Variants in CCDC192 observed in about 807,000 individuals in gnomAD.
The protein encoded by CCDC192 is coiled-coil domain containing 192, also known as coiled-coil domain-containing protein 192.
intron 6 of CCDC192, among the ~76,000 whole-genome samples, chr5:127,903,927 C>T (rs1042607854): frequency 2.0e-5 from 3 of 152,098 alleles, no homozygotes; most frequent in Non-Finnish European, 4.4e-5. Context: ...AATAATGACC[C>T]TCCCCCAAAA....
chr5:127,895,059 G>A (rs149779390), intron 6 of CCDC192, among the ~76,000 whole-genome samples: 1 of 152,152 alleles, frequency 6.6e-6, no homozygotes, highest in South Asian at 2.1e-4. Flanking sequence ...GTAAGTAAGC[G>A]TGTGCTGCGG....
At chr5:127,805,409 G>T (rs941089121) in intron 5 of CCDC192, among the ~76,000 whole-genome samples, 1 of 152,164 alleles carries the variant, frequency 6.6e-6, no homozygotes, top group Admixed American at 6.5e-5. Context: ...TTTTAAAGCC[G>T]AATTTCACTT....
intron 1 of CCDC192, among the ~76,000 whole-genome samples, chr5:127,704,937 G>T (rs560868013): frequency 6.6e-6 from 1 of 152,024 alleles, no homozygotes; most frequent in East Asian, 1.9e-4. Flanking sequence ...TTGACATGAA[G>T]AATGAAGTAA....
chr5:127,912,078 T>A (rs1332068130), intron 6 of CCDC192, among the ~76,000 whole-genome samples: 1 of 151,218 alleles, frequency 6.6e-6, no homozygotes, highest in Non-Finnish European at 1.5e-5. Context: ...CACATCACCA[T>A]GCCCAGCTAA....
At chr5:127,803,481 T>C (rs1757615736) in intron 5 of CCDC192, among the ~76,000 whole-genome samples, 1 of 152,234 alleles carries the variant, frequency 6.6e-6, no homozygotes, top group African/African-American at 2.4e-5. Context: ...TTATAATTAC[T>C]TAAAGATATC....
At chr5:127,786,730 C>A in intron 3 of CCDC192, 1 of 721,148 alleles carries the variant, frequency 1.4e-6, no homozygotes, top group Non-Finnish European at 2.6e-6. Flanking sequence ...AAATCTTCTC[C>A]ATGCTTAAGA....
intron 3 of CCDC192, chr5:127,785,621 T>C (rs1276952758): frequency 1.2e-5 from 2 of 166,006 alleles, no homozygotes; most frequent in African/African-American, 4.8e-5. Context: ...ATCACTGTTC[T>C]GGTAGATGAG....
At chr5:127,930,158 G>A (rs1348882214) in intron 6 of CCDC192, among the ~76,000 whole-genome samples, 1 of 152,170 alleles carries the variant, frequency 6.6e-6, no homozygotes, top group Non-Finnish European at 1.5e-5. Flanking sequence ...AGCCGAGATT[G>A]TGCCACTTGC....
At chr5:127,766,023 A>G (rs1416097944) in intron 3 of CCDC192, among the ~76,000 whole-genome samples, 1 of 152,168 alleles carries the variant, frequency 6.6e-6, no homozygotes, top group African/African-American at 2.4e-5. Context: ...TATTTTCACA[A>G]TATGCCCTAT....
chr5:127,767,896 C>T (rs1289270532), intron 3 of CCDC192, among the ~76,000 whole-genome samples: 1 of 152,142 alleles, frequency 6.6e-6, no homozygotes, highest in Non-Finnish European at 1.5e-5. Flanking sequence ...TGTTGAAGTT[C>T]TAACTCCCAG....
At chr5:127,818,472 C>T (rs1173590573) in intron 5 of CCDC192, among the ~76,000 whole-genome samples, 1 of 152,110 alleles carries the variant, frequency 6.6e-6, no homozygotes, top group African/African-American at 2.4e-5. Flanking sequence ...TTAACATTTC[C>T]TCAAGTCATT....
At chr5:127,737,766 T>G (rs1753111508) in intron 2 of CCDC192, among the ~76,000 whole-genome samples, 1 of 151,920 alleles carries the variant, frequency 6.6e-6, no homozygotes, top group Non-Finnish European at 1.5e-5. Context: ...TGCCTTTTTT[T>G]GTTTTCCATT....
intron 6 of CCDC192, among the ~76,000 whole-genome samples, chr5:127,913,418 T>A (rs931071850): frequency 1.3e-5 from 2 of 152,208 alleles, no homozygotes; most frequent in Non-Finnish European, 2.9e-5. Flanking sequence ...TTCTACATCT[T>A]GAGGCCTCAC....
chr5:127,749,421 A>AT (rs765871487), intron 2 of CCDC192, among the ~76,000 whole-genome samples: 19 of 151,734 alleles, frequency 1.3e-4, no homozygotes, highest in Non-Finnish European at 2.5e-4. Flanking sequence ...ACATTTATTG[A>AT]TTTGCGTATA....
At chr5:127,774,886 C>T (rs1362161037) in intron 3 of CCDC192, among the ~76,000 whole-genome samples, 3 of 152,212 alleles carry the variant, frequency 2.0e-5, no homozygotes, top group Admixed American at 1.3e-4. Flanking sequence ...AATCCATGAA[C>T]ATGAGACATC....
At chr5:127,905,274 G>T (rs1753164312) in intron 6 of CCDC192, among the ~76,000 whole-genome samples, 2 of 152,118 alleles carry the variant, frequency 1.3e-5, no homozygotes, top group South Asian at 2.1e-4. Context: ...TTCTAATTCA[G>T]TCTCTCTTAT....
chr5:127,829,474 A>C (rs779703822), intron 5 of CCDC192, among the ~76,000 whole-genome samples: 1 of 152,176 alleles, frequency 6.6e-6, no homozygotes, highest in Non-Finnish European at 1.5e-5. Flanking sequence ...ATTTCTAATG[A>C]GCTTGTTTAT....
chr5:127,798,813 T>G (rs1356068553), intron 5 of CCDC192, among the ~76,000 whole-genome samples: 1 of 151,930 alleles, frequency 6.6e-6, no homozygotes, highest in Non-Finnish European at 1.5e-5. Context: ...GACTACATAG[T>G]TGCCCATTTT....
chr5:127,751,735 A>G (rs1478651431), intron 2 of CCDC192, among the ~76,000 whole-genome samples: 6 of 152,174 alleles, frequency 3.9e-5, no homozygotes, highest in East Asian at 1.9e-4. Context: ...CATTCTCCCC[A>G]TCACTTTCAG....
Sources: gnomAD v4.1 joint callset for allele counts (sites outside exome capture counted in the v4.1 genomes callset) on GRCh38, gnomAD v4.1.1 for gene constraint, MANE v1.5 for transcripts, NCBI Gene and HGNC (gene_info 2026-07-23, HGNC 2026-07-21) for gene names.